The following GCFC2 variants were observed in gnomAD, a reference collection of about 807,000 sequenced individuals.
The protein encoded by GCFC2 is intron Large complex component GCFC2.
GCFC2 carries 102 observed loss-of-function variants against 99.4 expected under a neutral mutation model. The ratio of observed to expected loss-of-function variants is 1.03; its 90% CI spans 0.87 to 1.21. The LOEUF (loss-of-function observed/expected upper bound fraction) is 1.21. Among genes scored for constraint, GCFC2 ranks in the 50% most tolerant of loss-of-function variants. GCFC2 has a pLI of 0.00. For missense variants in GCFC2, 973 were observed against 920.9 expected, an observed-to-expected ratio of 1.06 and a Z score of -0.73; for synonymous variants, 338 against 316.8, an observed-to-expected ratio of 1.07 and a Z score of -0.71.
rs1803196 is a variant in GCFC2, at chr2:75,687,909, C to T, written c.1608G>A (p.Val536=). The T allele has an allele frequency of 0.42, 670,756 of 1,594,530 alleles. 146,744 individuals carry two copies. Among genetic ancestry groups the T allele is most frequent in the African/African-American group, 0.74 (54,969 of 74,326 alleles). ...AACTACTTTCCTTCTTTGAATCTTC[C>T]ACACTGCTATCCATAAATTCTTCTA... ...KSVEEFMDSS[V]EDSKKESSSD... Residue 536 remains valine (V), a synonymous_variant, in exon 11 of 17, where the codon GTG becomes GTA. Transcript: ENST00000321027.
chr2:75,664,582 GAAGA>G lies in GCFC2; in HGVS notation c.*80_*83del. ...CCTACCTTCTATTACAGGGAATAAAGAAGAGAGAGGCACCAGCTTCTTCTCAAAC... is the reference window on the plus strand; with the variant it reads ...CCTACCTTCTATTACAGGGAATAAAGGAGAGGCACCAGCTTCTTCTCAAAC... On this transcript the variant is annotated 3_prime_UTR_variant, in exon 17 of 17. Coordinates refer to ENST00000321027, the MANE Select transcript of GCFC2 (RefSeq NM_003203.5). 1 of 673,518 alleles carries G rather than the reference GAAGA, an allele frequency of 1.5e-6. No homozygotes were observed. The highest frequency in any genetic ancestry group is 4.2e-4 in the Middle Eastern group (1 of 2,396). The allele number at this position is 673,518 out of a possible 1,614,324, so 41.7% of individuals were successfully genotyped here.
chr2:75,666,292 G>T (rs1678832894), intron 15 of GCFC2, among the ~76,000 whole-genome samples: 1 of 152,126 alleles, frequency 6.6e-6, no homozygotes, highest in African/African-American at 2.4e-5. Flanking sequence ...GGTAGTACTA[G>T]TAATTCTTTC....
rs145082710 is a variant in GCFC2 at position 75,704,432 on chromosome 2, G to A, written c.395-2009C>T. Among the ~76,000 whole-genome samples the A allele has an allele frequency of 3.8e-4, 58 of 152,318 alleles. No individual in the cohort carries two copies. In the East Asian group the frequency reaches 9.1e-3, roughly 24 times the overall value. On this transcript the variant is annotated intron_variant, in intron 2 of 16. Coordinates refer to ENST00000321027, the MANE Select transcript of GCFC2 (RefSeq NM_003203.5). ...CTTTCAGGTGTTCCTCACAGGACAA[G>A]TTTTCAATTTTTAATCAGCGTTTCT...
At chr2:75,708,308 AT>A (rs1018867868) in intron 1 of GCFC2, among the ~76,000 whole-genome samples, 1 of 152,048 alleles carries the variant, frequency 6.6e-6, no homozygotes, top group Non-Finnish European at 1.5e-5. Flanking sequence ...TAATACTATG[AT>A]TTTTTTGGTA....
At chr2:75,678,799 T>C (rs573897800) in intron 12 of GCFC2, among the ~76,000 whole-genome samples, 2 of 152,322 alleles carry the variant, frequency 1.3e-5, no homozygotes, top group African/African-American at 2.4e-5. Flanking sequence ...CAGGCTGCAG[T>C]GTGGTGGCAC....
chr2:75,690,864 C>T (rs573373355), intron 7 of GCFC2, 145 bp from the exon 8 acceptor site: 39 of 549,706 alleles, frequency 7.1e-5, no homozygotes, highest in South Asian at 6.6e-4. Flanking sequence ...ATTAATTATG[C>T]AATGACATTT....
At chr2:75,689,664 A>C (rs1304181803) in intron 9 of GCFC2, among the ~76,000 whole-genome samples, 1 of 152,164 alleles carries the variant, frequency 6.6e-6, no homozygotes, top group African/African-American at 2.4e-5. Context: ...CAAATGTTTT[A>C]AGTTAAAAAT....
intron 11 of GCFC2, among the ~76,000 whole-genome samples, chr2:75,683,880 G>A (rs980768432): frequency 6.6e-6 from 1 of 151,966 alleles, no homozygotes; most frequent in Non-Finnish European, 1.5e-5. Context: ...ACAAAGAAGG[G>A]TATTACATAA....
At chr2:75,695,108 T>C (rs1378371417) in intron 5 of GCFC2, among the ~76,000 whole-genome samples, 2 of 152,212 alleles carry the variant, frequency 1.3e-5, no homozygotes. Flanking sequence ...CTGCTGCCTC[T>C]TTTTTATCCC....
At chr2:75,678,781 C>CTGTT (rs1036878792) in intron 12 of GCFC2, among the ~76,000 whole-genome samples, 3 of 152,210 alleles carry the variant, frequency 2.0e-5, no homozygotes, top group African/African-American at 7.2e-5. Flanking sequence ...CAGGGTTTTG[C>CTGTT]TGTTGCCCAG....
chr2:75,699,697 C>T (rs1680489989), intron 4 of GCFC2, among the ~76,000 whole-genome samples: 1 of 152,000 alleles, frequency 6.6e-6, no homozygotes, highest in Non-Finnish European at 1.5e-5. Context: ...CAGCTCAGCC[C>T]CGCAAGTGGC....
At position 75,682,655 on chromosome 2, in the gene GCFC2, AG is replaced by A. The variant is rs200602085; in HGVS notation, c.1691-2342del. 7.9e-3 allele frequency among the ~76,000 whole-genome samples: 1,205 copies of A among 152,008 alleles called. 39 individuals are homozygous for A. Among genetic ancestry groups the A allele is most frequent in the African/African-American group, 0.028 (1,141 of 41,258 alleles). On this transcript the variant is annotated intron_variant, in intron 11 of 16. Coordinates refer to ENST00000321027, the MANE Select transcript of GCFC2 (RefSeq NM_003203.5). ...GTAATAACAAACTCCTCTGAGCTAA[AG>A]GAGCATGTTCTAACCCAATGGAAGG...
chr2:75,709,273 C>G (rs758501135), intron 1 of GCFC2, among the ~76,000 whole-genome samples: 1 of 152,162 alleles, frequency 6.6e-6, no homozygotes, highest in Non-Finnish European at 1.5e-5. Context: ...TTGAGAACCA[C>G]TATTCTAGAA....
chr2:75,679,476 C>T (rs1186191910), intron 12 of GCFC2, among the ~76,000 whole-genome samples: 1 of 152,126 alleles, frequency 6.6e-6, no homozygotes, highest in Non-Finnish European at 1.5e-5. Context: ...AGATTCTCAG[C>T]AACATCACTC....
At chr2:75,692,170 T>TATATACAC (rs372259037) in intron 6 of GCFC2, 70 bp from the exon 7 acceptor site, 24 of 450,282 alleles carry the variant, frequency 5.3e-5, no homozygotes, top group African/African-American at 4.2e-4. Flanking sequence ...TATATATATA[T>TATATACAC]AAAAGTAATA....
chr2:75,676,700 A>ATCTGTCTTACTTATGCTGCTTCAAAACT (rs1171402549), intron 12 of GCFC2, among the ~76,000 whole-genome samples: 1 of 152,170 alleles, frequency 6.6e-6, no homozygotes, highest in Admixed American at 6.5e-5. Context: ...ATTGATTATA[A>ATCTGTCTTACTTATGCTGCTTCAAAACT]TCTGTCTTAC....
intron 12 of GCFC2, among the ~76,000 whole-genome samples, chr2:75,674,909 C>T (rs1679273679): frequency 6.6e-6 from 1 of 151,860 alleles, no homozygotes; most frequent in African/African-American, 2.4e-5. Context: ...ATTCTTTAAA[C>T]ATTCTGAATT....
intron 11 of GCFC2, among the ~76,000 whole-genome samples, chr2:75,685,499 CTA>C (rs2104311958): frequency 6.6e-6 from 1 of 152,228 alleles, no homozygotes; most frequent in South Asian, 2.1e-4. Flanking sequence ...TTCTTTCTTC[CTA>C]GAAACACTGT....
At chr2:75,683,885 AC>A (rs1679696798) in intron 11 of GCFC2, among the ~76,000 whole-genome samples, 1 of 152,152 alleles carries the variant, frequency 6.6e-6, no homozygotes, top group Non-Finnish European at 1.5e-5. Flanking sequence ...GAAGGGTATT[AC>A]ATAATGGTGA....
Sources: allele counts gnomAD v4.1 joint callset (sites outside exome capture counted in the v4.1 genomes callset), GRCh38; gene constraint gnomAD v4.1.1; transcripts MANE v1.5; gene names NCBI Gene and HGNC (gene_info 2026-07-23, HGNC 2026-07-21).